SERPINB8: variants seen among roughly 807,000 people sequenced by gnomAD.
SERPINB8 encodes serpin B8.
A neutral mutation model predicts 35.3 loss-of-function variants in SERPINB8; 25 were observed. The ratio of observed to expected loss-of-function variants is 0.71; its 90% CI spans 0.52 to 0.99. The LOEUF (loss-of-function observed/expected upper bound fraction) is 0.99. Ranked by LOEUF, SERPINB8 falls within the 50% of genes least tolerant of loss-of-function variation. The pLI is 0.00. For synonymous variants in SERPINB8, 186 were observed against 160.8 expected (o/e 1.16, Z -1.19); for missense variants, 484 against 446.5 (o/e 1.08, Z -0.76).
rs534994167 is a variant in SERPINB8, at chr18:63,996,307, C to T, written c.71-8512C>T. ...TGGCCTGCGCACATGGCCTCAGGTA[C>T]CTGGTGATCCTCTGTCTATTACAGG... is the stretch of plus-strand genomic sequence containing the variant. On this transcript the variant is annotated intron_variant, in intron 1 of 1. Coordinates refer to the SERPINB8 transcript ENST00000493661. Among the ~76,000 whole-genome samples the T allele has an allele frequency of 5.7e-4, 87 of 152,292 alleles. No homozygotes were observed. In the South Asian group the frequency reaches 8.5e-3, roughly 15 times the overall value.
rs1226758647 is a variant in SERPINB8, at chr18:63,986,155, C to T, written c.721-719C>T. The T allele has an allele frequency of 5.0e-5, 49 of 977,830 alleles. 1 individual carries two copies. In the Admixed American group the frequency reaches 5.4e-4, roughly 11 times the overall value. The allele number at this position is 977,830 out of a possible 1,614,324, so 60.6% of individuals were successfully genotyped here. On this transcript the variant is annotated intron_variant, in intron 6 of 6. Transcript: ENST00000397985. ...ATAGAGTCAAAATCAAAACAATGCT[C>T]GTTGGAGAGGAGTACCCACCTGGGC...
chr18:64,008,532 A>G (rs1460408625), downstream of SERPINB8, among the ~76,000 whole-genome samples: 4 of 151,952 alleles, frequency 2.6e-5, no homozygotes, highest in Non-Finnish European at 5.9e-5. Context: ...TGCAGATGTG[A>G]GCCACCATGC....
intron 1 of SERPINB8, among the ~76,000 whole-genome samples, chr18:63,999,118 A>G (rs2050862909): frequency 2.6e-5 from 4 of 152,170 alleles, no homozygotes; most frequent in Admixed American, 2.0e-4. Flanking sequence ...ACGGGGCAAG[A>G]AGTGGGATCT....
In SERPINB8 at chr18:63,981,718, C is replaced by G; in HGVS notation, c.307-3C>G. On this transcript the variant is annotated splice_region_variant and splice_polypyrimidine_tract_variant and intron_variant, in intron 3 of 6. Transcript: ENST00000397985. The stretch of plus-strand genomic sequence containing the variant: ...GACTAAACTCAGTGTTTTGTGTTTG[C>G]AGGACTTTAAAGAATACTGTCAGAA... 1 of 1,597,812 alleles carries G rather than the reference C, an allele frequency of 6.3e-7. No individual in the cohort carries two copies. The highest frequency in any genetic ancestry group is 8.6e-7 in the Non-Finnish European group (1 of 1,167,608).
Position 63,985,186 on chromosome 18 carries a change from G to T in SERPINB8, c.661G>T (p.Val221Leu). ...VHTQVLELPY[V>L]EEELSMVILL... The stretch of plus-strand genomic sequence containing the variant: ...CACCCAGGTCCTGGAGCTGCCCTAT[G>T]TGGAAGAGGAGCTGAGCATGGTCAT... The change falls in exon 6 of 7, where the codon GTG becomes TTG. Residue 221 changes from valine (V) to leucine (L), a missense_variant. By Grantham distance (32) the Val-to-Leu change is conservative (BLOSUM62 1). Transcript: ENST00000397985. The T allele has an allele frequency of 6.2e-7, 1 of 1,614,208 alleles. No homozygotes were observed. The highest frequency in any genetic ancestry group is 8.5e-7 in the Non-Finnish European group (1 of 1,180,032).
intron 1 of SERPINB8, among the ~76,000 whole-genome samples, chr18:64,003,929 G>A (rs1337315813): frequency 6.6e-6 from 1 of 152,166 alleles, no homozygotes; most frequent in Non-Finnish European, 1.5e-5. Context: ...TGTTCCAAAT[G>A]TCTGGGCATC....
In SERPINB8 at chr18:63,996,768, G is replaced by C. The variant is rs529885266; in HGVS notation, c.71-8051G>C. Reference sequence around the variant, plus strand: ...AAGTGAATTTCCTGGTTGTAATCTGGGCAAGTGGCACAACATCTCGTTTAG... The same window carrying C: ...AAGTGAATTTCCTGGTTGTAATCTGCGCAAGTGGCACAACATCTCGTTTAG... On this transcript the variant is annotated intron_variant, in intron 1 of 1. Transcript: ENST00000493661. Among the ~76,000 whole-genome samples the C allele has an allele frequency of 2.0e-5, 3 of 152,202 alleles. No individual in the cohort carries two copies. In the East Asian group the frequency reaches 5.8e-4, roughly 29 times the overall value.
chr18:64,008,273 C>T (rs1279942868), downstream of SERPINB8, among the ~76,000 whole-genome samples: 6 of 152,080 alleles, frequency 3.9e-5, no homozygotes, highest in Admixed American at 1.3e-4. Context: ...CACAGAGTCT[C>T]GCTCTGTCAC....
chr18:64,005,131 T>G lies in SERPINB8; in HGVS notation c.*253T>G, dbSNP rs554880662. 268 of 323,492 alleles carry G rather than the reference T, an allele frequency of 8.3e-4. 5 individuals are homozygous for G. The East Asian group carries it at 0.013, about 15-fold the overall frequency. 20.0% of individuals were successfully genotyped at this position (323,492 alleles called of 1,614,324 possible). A position where few individuals can be genotyped will look rare whatever the true frequency, so the allele number is the denominator to read the frequency against. Reference sequence around the variant, plus strand: ...TTTGGTTATGGTAGTTATCAAGACATTCATATGAAATGCACAGTGAAATAC... The same window carrying G: ...TTTGGTTATGGTAGTTATCAAGACAGTCATATGAAATGCACAGTGAAATAC... On this transcript the variant is annotated 3_prime_UTR_variant, in exon 2 of 2. Coordinates refer to the SERPINB8 transcript ENST00000493661.
chr18:63,982,139 T>G (rs746167102), intron 4 of SERPINB8, among the ~76,000 whole-genome samples: 9 of 152,204 alleles, frequency 5.9e-5, no homozygotes, highest in Non-Finnish European at 1.3e-4. Context: ...GGCCCTTCCA[T>G]GCTCGGAGAC....
At position 63,987,930 on chromosome 18, in the gene SERPINB8, T is replaced by A. The variant is rs1296649072; in HGVS notation, c.*652T>A. The A allele has an allele frequency of 6.6e-6, 1 of 152,250 alleles. No homozygotes were observed. The highest frequency in any genetic ancestry group is 6.5e-5 in the Admixed American group (1 of 15,280). 9.4% of individuals were successfully genotyped at this position (152,250 alleles called of 1,614,324 possible). On this transcript the variant is annotated 3_prime_UTR_variant, in exon 7 of 7. Transcript: ENST00000397985. ...GCTATGCTGTTCTTTCCATTCCTTT[T>A]CCCTCTGAAACACACAAAATACCAA...
exon 2 of SERPINB8, chr18:64,005,129 C>T: frequency 3.1e-6 from 1 of 324,752 alleles, no homozygotes; most frequent in Non-Finnish European, 5.5e-6. Context: ...GTTATCAAGA[C>T]ATTCATATGA....
chr18:63,976,783 C>T (rs1322747227), intron 1 of SERPINB8, among the ~76,000 whole-genome samples: 3 of 152,206 alleles, frequency 2.0e-5, no homozygotes, highest in East Asian at 3.9e-4. Flanking sequence ...AGTGCTCCCT[C>T]GATGACAAGA....
chr18:64,003,520 TGTG>T (rs1325879856), intron 1 of SERPINB8, among the ~76,000 whole-genome samples: 1 of 7,562 alleles, frequency 1.3e-4, no homozygotes, highest in Non-Finnish European at 2.2e-4. Context: ...GAGGGACAAA[TGTG>T]TGTGTGTGTG....
At chr18:63,996,520 G>A (rs1320652231) in intron 1 of SERPINB8, among the ~76,000 whole-genome samples, 4 of 152,116 alleles carry the variant, frequency 2.6e-5, no homozygotes, top group African/African-American at 2.4e-5. Context: ...CACCTTTAAT[G>A]TCCTTTCACA....
chr18:64,018,454 C>T (rs185903197), intron 7 of SERPINB8, among the ~76,000 whole-genome samples: 108 of 152,218 alleles, frequency 7.1e-4, no homozygotes, highest in African/African-American at 2.5e-3. Context: ...ATTAATATTA[C>T]TCATCTAGTT....
intron 1 of SERPINB8, among the ~76,000 whole-genome samples, chr18:63,995,007 A>G (rs150154212): frequency 1.6e-4 from 24 of 152,294 alleles, no homozygotes; most frequent in African/African-American, 5.8e-4. Context: ...CTAGGCAATG[A>G]CATTCCCAAA....
intron 1 of SERPINB8, among the ~76,000 whole-genome samples, chr18:63,975,305 C>T (rs9960471): frequency 0.28 from 42,956 of 151,946 alleles, 7,508 homozygotes; most frequent in African/African-American, 0.5. Context: ...TCTATGAAGT[C>T]TGAATATTCC....
rs1555711079 is a variant in SERPINB8, at chr18:63,970,130, A to AGCGGCGGCGGCGGCAGCGGCG, written c.-37_-36insAGCGGCGGCGGCGGCGGCGGC. The AGCGGCGGCGGCGGCAGCGGCG allele has an allele frequency of 3.8e-5, 13 of 343,898 alleles. 1 individual carries two copies. Among genetic ancestry groups the AGCGGCGGCGGCGGCAGCGGCG allele is most frequent in the Non-Finnish European group, 7.4e-5 (13 of 174,636 alleles). 21.3% of individuals were successfully genotyped at this position (343,898 alleles called of 1,614,324 possible). A position where few individuals can be genotyped will look rare whatever the true frequency, so the allele number is the denominator to read the frequency against. On this transcript the variant is annotated 5_prime_UTR_variant, in exon 1 of 7. Coordinates refer to ENST00000397985, the MANE Select transcript of SERPINB8 (RefSeq NM_002640.4). Reference sequence around the variant, plus strand: ...ACAAAGGAGGAATAGTCAAAGCAGCAGCGGCGGCGGCGGCGGCGGCAGCAG... The same window carrying AGCGGCGGCGGCGGCAGCGGCG: ...ACAAAGGAGGAATAGTCAAAGCAGCAGCGGCGGCGGCGGCAGCGGCGGCGGCGGCGGCGGCGGCGGCAGCAG...
Sources: gnomAD v4.1 joint callset for allele counts (sites outside exome capture counted in the v4.1 genomes callset) on GRCh38, gnomAD v4.1.1 for gene constraint, MANE v1.5 for transcripts, NCBI Gene and HGNC (gene_info 2026-07-23, HGNC 2026-07-21) for gene names.